The following SYNGR1 variants were observed in gnomAD, a reference collection of about 807,000 sequenced individuals.
The protein encoded by SYNGR1 is synaptogyrin-1.
In SYNGR1, 14 loss-of-function variants were observed where a neutral mutation model predicts 26.1. The observed-to-expected ratio is 0.54, with a 90% CI of 0.35 to 0.84. SYNGR1 has a LOEUF of 0.84. Among genes scored for constraint, SYNGR1 ranks in the 40% least tolerant of loss-of-function variants. SYNGR1 has a pLI of 0.01. For missense variants in SYNGR1, 319 were observed against 332.9 expected, an observed-to-expected ratio of 0.96 and a Z score of 0.33; for synonymous variants, 141 against 150.1, an observed-to-expected ratio of 0.94 and a Z score of 0.44.
At chr22:39,367,594 G>C (rs537180057) in intron 1 of SYNGR1, among the ~76,000 whole-genome samples, 1 of 152,010 alleles carries the variant, frequency 6.6e-6, no homozygotes, top group Non-Finnish European at 1.5e-5. Flanking sequence ...AGGCCGAGGC[G>C]GGCAAATCAC....
intron 1 of SYNGR1, among the ~76,000 whole-genome samples, chr22:39,363,154 A>T (rs1924569242): frequency 6.6e-6 from 1 of 151,988 alleles, no homozygotes; most frequent in Non-Finnish European, 1.5e-5. Flanking sequence ...TGAGGCAGGG[A>T]TGAACTCAGG....
chr22:39,355,599 G>A (rs944137827), intron 1 of SYNGR1, among the ~76,000 whole-genome samples: 26 of 152,340 alleles, frequency 1.7e-4, no homozygotes, highest in African/African-American at 6.3e-4. Flanking sequence ...GAAAGCCTAG[G>A]GCATCAGGAG....
intron 1 of SYNGR1, among the ~76,000 whole-genome samples, chr22:39,363,465 G>T (rs1033705161): frequency 6.6e-6 from 1 of 151,918 alleles, no homozygotes; most frequent in Non-Finnish European, 1.5e-5. Context: ...CAGCTGGCCC[G>T]AATGTCAGAC....
chr22:39,380,912 C>T (rs926557521), intron 3 of SYNGR1, among the ~76,000 whole-genome samples: 21 of 151,930 alleles, frequency 1.4e-4, no homozygotes, highest in African/African-American at 4.4e-4. Flanking sequence ...TGAGTTGTCG[C>T]GCCTGGCCTC....
At chr22:39,358,656 A>T (rs1924303368) in intron 1 of SYNGR1, among the ~76,000 whole-genome samples, 1 of 152,100 alleles carries the variant, frequency 6.6e-6, no homozygotes, top group African/African-American at 2.4e-5. Context: ...CAGAAGGATG[A>T]AACTCCGGAC....
At chr22:39,374,804 A>C (rs929202963) in intron 2 of SYNGR1, 8 of 564,090 alleles carry the variant, frequency 1.4e-5, no homozygotes, top group Non-Finnish European at 2.6e-5. Flanking sequence ...CTTCTAGTCT[A>C]AGGGACCCAT....
rs533871842 is a variant in SYNGR1, at chr22:39,359,015, T to C, written c.99+8906T>C. Among the ~76,000 whole-genome samples the C allele has an allele frequency of 3.3e-5, 5 of 152,310 alleles. No individual in the cohort carries two copies. The South Asian group carries it at 1.0e-3, about 32-fold the overall frequency. ...TGCAGGAGCTTTAACAAGTTGGGGCTCCTCCAGTACCTCACAGTGCAGGGG... is the reference window on the plus strand; with the variant it reads ...TGCAGGAGCTTTAACAAGTTGGGGCCCCTCCAGTACCTCACAGTGCAGGGG... On this transcript the variant is annotated intron_variant, in intron 1 of 3. Transcript: ENST00000328933.
chr22:39,350,441 C>T lies in SYNGR1; in HGVS notation c.99+332C>T, dbSNP rs1275095852. On this transcript the variant is annotated intron_variant, in intron 1 of 3. Transcript: ENST00000328933. This position sits in a 1 kb window ranked among gnomAD's most constrained non-coding sequence, Gnocchi z 4.3. ...TGCCGCGAAAGGCTCGGATTGTGCG[C>T]GGCCGCCAGGGCGGACTGGGGACCG... 1.3e-5 allele frequency among the ~76,000 whole-genome samples: 2 copies of T among 152,302 alleles called. No individual in the cohort carries two copies. The highest frequency in any genetic ancestry group is 1.9e-4 in the East Asian group (1 of 5,160).
chr22:39,370,602 T>G (rs1924973213), intron 1 of SYNGR1, among the ~76,000 whole-genome samples: 1 of 151,186 alleles, frequency 6.6e-6, no homozygotes, highest in South Asian at 2.1e-4. Flanking sequence ...ACACACAACA[T>G]CCTAACCCAG....
chr22:39,377,970 T>G (rs1456496771), intron 3 of SYNGR1: 3 of 1,274,176 alleles, frequency 2.4e-6, no homozygotes, highest in Non-Finnish European at 3.0e-6. Context: ...GCCCACAGGC[T>G]GGGGAGGAGA....
In SYNGR1 at chr22:39,377,789, G is replaced by T. The variant is rs79834987; in HGVS notation, c.483+1592G>T. 4,491 of 1,547,632 alleles carry T rather than the reference G, an allele frequency of 2.9e-3. 98 individuals carry two copies. The African/African-American group carries it at 0.053, about 18-fold the overall frequency. Reference sequence around the variant, plus strand: ...AGAAATGTCCAAGATGCCAGGGCATGCAGGGCAGTGGAAGGCTGGCTTGAG... The same window carrying T: ...AGAAATGTCCAAGATGCCAGGGCATTCAGGGCAGTGGAAGGCTGGCTTGAG... On this transcript the variant is annotated intron_variant, in intron 3 of 3. Transcript: ENST00000328933.
chr22:39,354,712 G>A (rs766296848), intron 1 of SYNGR1, among the ~76,000 whole-genome samples: 4 of 152,170 alleles, frequency 2.6e-5, no homozygotes, highest in East Asian at 1.9e-4. Flanking sequence ...GGTGGCGGTC[G>A]CCTGTTATCC....
chr22:39,366,414 G>A (rs957737666), intron 1 of SYNGR1, among the ~76,000 whole-genome samples: 1 of 152,072 alleles, frequency 6.6e-6, no homozygotes, highest in African/African-American at 2.4e-5. Flanking sequence ...GGGAGGCCAA[G>A]GCGGGCGGAT....
chr22:39,369,928 T>C (rs541682898), intron 1 of SYNGR1, among the ~76,000 whole-genome samples: 2 of 152,336 alleles, frequency 1.3e-5, no homozygotes, highest in South Asian at 2.1e-4. Flanking sequence ...TTTTTTACTG[T>C]GGCCAGATTA....
In SYNGR1 at chr22:39,381,832, C is replaced by A; in HGVS notation, c.620C>A (p.Pro207His). 1 of 1,612,964 alleles carries A rather than the reference C, an allele frequency of 6.2e-7. No individual in the cohort carries two copies. The highest frequency in any genetic ancestry group is 8.5e-7 in the Non-Finnish European group (1 of 1,179,888). The stretch of plus-strand genomic sequence containing the variant: ...TACGTGGAGCCCACTGGGCCGGATC[C>A]CGCCGGTATGGGCGGCACCTACCAG... ...APYVEPTGPD[P>H]AGMGGTYQQP... Residue 207 changes from proline (P) to histidine (H), a missense_variant, in exon 4 of 4, where the codon CCC becomes CAC. Coordinates refer to ENST00000328933, the MANE Select transcript of SYNGR1 (RefSeq NM_004711.5).
At chr22:39,367,560 C>T (rs1052290635) in intron 1 of SYNGR1, among the ~76,000 whole-genome samples, 16 of 152,142 alleles carry the variant, frequency 1.1e-4, no homozygotes, top group Admixed American at 6.5e-4. Context: ...AGGTGGCTCA[C>T]GCCTGTAACC....
At chr22:39,380,550 C>T (rs12158275) in intron 3 of SYNGR1, among the ~76,000 whole-genome samples, 64 of 151,110 alleles carry the variant, frequency 4.2e-4, no homozygotes, top group African/African-American at 1.4e-3. Flanking sequence ...CCACTATGCC[C>T]GGCTAATTTG....
At chr22:39,359,331 G>GC (rs904133492) in intron 1 of SYNGR1, among the ~76,000 whole-genome samples, 30 of 151,984 alleles carry the variant, frequency 2.0e-4, no homozygotes, top group East Asian at 1.9e-4. Flanking sequence ...CTTCAAAGAT[G>GC]CCCCCCCAGG....
intron 1 of SYNGR1, among the ~76,000 whole-genome samples, chr22:39,359,802 C>T (rs988764570): frequency 2.6e-5 from 4 of 152,116 alleles, no homozygotes; most frequent in African/African-American, 9.7e-5. Flanking sequence ...AGCCAACTGT[C>T]ACCAGCTGGA....
Sources: gnomAD v4.1 joint callset for allele counts (sites outside exome capture counted in the v4.1 genomes callset) on GRCh38, gnomAD v4.1.1 for gene constraint, Gnocchi (gnomAD v3.1) non-coding constraint, MANE v1.5 for transcripts, NCBI Gene and HGNC (gene_info 2026-07-23, HGNC 2026-07-21) for gene names.